The following TNN variants were observed in gnomAD, a reference collection of about 807,000 sequenced individuals.
The protein encoded by TNN is tenascin N, also known as tenascin-N.
Under a neutral mutation model 134.4 loss-of-function variants are expected in TNN, and 122 were observed. The ratio of observed to expected loss-of-function variants is 0.91; its 90% CI spans 0.78 to 1.06. TNN has a LOEUF of 1.06. TNN is among the 50% of genes least tolerant of loss of function. TNN has a pLI of 0.00. For missense variants in TNN, 1,739 were observed against 1,699.4 expected, an observed-to-expected ratio of 1.02 and a Z score of -0.41; for synonymous variants, 710 against 670.3, an observed-to-expected ratio of 1.06 and a Z score of -0.91.
At chr1:175,087,270 A>G (rs1405475297) in intron 6 of TNN, among the ~76,000 whole-genome samples, 1 of 152,246 alleles carries the variant, frequency 6.6e-6, no homozygotes, top group Non-Finnish European at 1.5e-5. Context: ...AAGTGGGCTG[A>G]AGAGGAAATA....
chr1:175,135,813 G>T, intron 15 of TNN, 32 bp from the exon 16 acceptor site: 1 of 1,551,974 alleles, frequency 6.4e-7, no homozygotes, highest in South Asian at 1.1e-5. Flanking sequence ...CTGTTTGGAG[G>T]GTCAGAGTGA....
intron 15 of TNN, 138 bp from the exon 16 acceptor site, chr1:175,135,707 A>C (rs2101850337): frequency 9.0e-6 from 6 of 664,686 alleles, no homozygotes; most frequent in Non-Finnish European, 1.6e-5. Context: ...ACTGACATAT[A>C]AATAAAAAGC....
intron 9 of TNN, among the ~76,000 whole-genome samples, chr1:175,108,626 C>T (rs1008308422): frequency 5.3e-5 from 8 of 152,244 alleles, no homozygotes; most frequent in Non-Finnish European, 8.8e-5. Flanking sequence ...TAAGGCTCAG[C>T]GAGAAATCGA....
At position 175,130,496 on chromosome 1, in the gene TNN, G is replaced by T. The variant is rs1386058588; in HGVS notation, c.3330+1750G>T. ...TTCATCAGCACCATTGTAAGGCTAA[G>T]CATTCTGTCCCTTCAGGCCTGCAGC... On this transcript the variant is annotated intron_variant, in intron 15 of 18. Transcript: ENST00000239462. Among the ~76,000 whole-genome samples the T allele has an allele frequency of 2.6e-5, 4 of 152,198 alleles. 1 individual carries two copies. The highest frequency in any genetic ancestry group is 9.7e-5 in the African/African-American group (4 of 41,450).
intron 11 of TNN, 147 bp downstream of exon 11, chr1:175,118,971 CA>C (rs1392953043): frequency 1.2e-5 from 14 of 1,177,374 alleles, no homozygotes; most frequent in Non-Finnish European, 1.6e-5. Flanking sequence ...CAAAACAAAA[CA>C]AAAACAAAAA....
At chr1:175,145,930 G>A (rs1470659986) in intron 18 of TNN, among the ~76,000 whole-genome samples, 1 of 152,056 alleles carries the variant, frequency 6.6e-6, no homozygotes, top group Non-Finnish European at 1.5e-5. Flanking sequence ...CCCATCCTAG[G>A]TTTCTAATTT....
At chr1:175,101,152 G>A (rs944686961) in intron 9 of TNN, among the ~76,000 whole-genome samples, 5 of 152,182 alleles carry the variant, frequency 3.3e-5, no homozygotes, top group Non-Finnish European at 5.9e-5. Context: ...GAGTGTTACA[G>A]CTCTTAAGGT....
In TNN at chr1:175,119,023, GAAC is replaced by G. The variant is rs769175207; in HGVS notation, c.2650+203_2650+205del. ...AAAAACTTTCATTCACCCAAAGAAA[GAAC>G]AACGTGTTATAGGAAAGGCGTCCCG... On this transcript the variant is annotated intron_variant, in intron 11 of 18. Transcript: ENST00000239462. 2.6e-5 allele frequency among the ~76,000 whole-genome samples: 4 copies of G among 152,200 alleles called. No homozygotes were observed. In the East Asian group the frequency reaches 7.7e-4, roughly 29 times the overall value.
At position 175,120,185 on chromosome 1, in the gene TNN, A is replaced by G. The variant is rs1385290910; in HGVS notation, c.2650+1361A>G. 2.0e-5 allele frequency among the ~76,000 whole-genome samples: 3 copies of G among 152,324 alleles called. No individual in the cohort carries two copies. The East Asian group carries it at 5.8e-4, about 29-fold the overall frequency. ...AGCTGACTTTTAATGAGCATCATCT[A>G]AGTGCCAGGCCTGGGGAACACAGTG... On this transcript the variant is annotated intron_variant, in intron 11 of 18. Transcript: ENST00000239462.
intron 1 of TNN, 33 bp downstream of exon 1, chr1:175,067,968 T>TGGAG (rs1280025721): frequency 2.2e-6 from 1 of 462,030 alleles, no homozygotes. Flanking sequence ...CTTTACTTAC[T>TGGAG]GGAGGGAGGG....
chr1:175,112,496 C>A (rs1024135302), intron 9 of TNN, among the ~76,000 whole-genome samples: 2 of 149,312 alleles, frequency 1.3e-5, no homozygotes, highest in African/African-American at 4.9e-5. Flanking sequence ...CTTTTTCCAT[C>A]CTTTCACTTT....
intron 9 of TNN, among the ~76,000 whole-genome samples, chr1:175,104,391 A>G (rs11582982): frequency 0.3 from 43,805 of 144,650 alleles, 10,324 homozygotes; most frequent in African/African-American, 0.39. Context: ...GGGAACCTTC[A>G]TCCTCTGGGG....
At chr1:175,125,625 CTTTCTCTCTTCT>C (rs1675489047) in intron 12 of TNN, among the ~76,000 whole-genome samples, 1 of 148,614 alleles carries the variant, frequency 6.7e-6, no homozygotes, top group African/African-American at 2.5e-5. Flanking sequence ...CTCTCTCTCC[CTTTCTCTCTTCT>C]TTTCTCTCTC....
At chr1:175,069,153 A>G (rs563968203) in intron 1 of TNN, among the ~76,000 whole-genome samples, 4 of 152,270 alleles carry the variant, frequency 2.6e-5, no homozygotes, top group Admixed American at 6.5e-5. Context: ...CAGGTTAGCC[A>G]CAGTGCCTAA....
intron 10 of TNN, 109 bp downstream of exon 10, chr1:175,117,314 A>T: frequency 6.4e-7 from 1 of 1,553,466 alleles, no homozygotes; most frequent in Non-Finnish European, 8.7e-7. Context: ...TTAATGGAAG[A>T]GTGGGATGGC....
At chr1:175,091,396 C>A (rs148975507) in intron 6 of TNN, among the ~76,000 whole-genome samples, 18 of 152,290 alleles carry the variant, frequency 1.2e-4, no homozygotes, top group African/African-American at 4.3e-4. Flanking sequence ...TTTTACCTTC[C>A]TACTCTTCAT....
intron 6 of TNN, 60 bp from the exon 7 acceptor site, chr1:175,093,930 T>C (rs1402691163): frequency 1.3e-6 from 2 of 1,539,408 alleles, no homozygotes; most frequent in Non-Finnish European, 8.8e-7. Context: ...TTTAACAATC[T>C]ATGATCTTGA....
In TNN at chr1:175,145,552, C is replaced by CAAAAAAAAAAA. The variant is rs3028580; in HGVS notation, c.3759+1015_3759+1025dup. Among the ~76,000 whole-genome samples the CAAAAAAAAAAA allele has an allele frequency of 6.1e-3, 177 of 28,896 alleles. 38 individuals carry two copies. Among genetic ancestry groups the CAAAAAAAAAAA allele is most frequent in the African/African-American group, 9.8e-3 (67 of 6,868 alleles). 19.0% of individuals were successfully genotyped at this position (28,896 alleles called of 152,430 possible). On this transcript the variant is annotated intron_variant, in intron 18 of 18. Transcript: ENST00000239462. ...TGGGTGGCAGAGCAAGACCCTGTCTCAAAAAAAAAAAAAAAAAAAAAAAGC... is the reference window on the plus strand; with the variant it reads ...TGGGTGGCAGAGCAAGACCCTGTCTCAAAAAAAAAAAAAAAAAAAAAAAAAAAAAAAAAAGC...
intron 15 of TNN, among the ~76,000 whole-genome samples, chr1:175,131,197 G>T (rs934992627): frequency 1.3e-5 from 2 of 152,204 alleles, no homozygotes; most frequent in African/African-American, 4.8e-5. Flanking sequence ...GTGCCCTGAG[G>T]TAAACTCTGC....
Sources: gnomAD v4.1 joint callset for allele counts (sites outside exome capture counted in the v4.1 genomes callset) on GRCh38, gnomAD v4.1.1 for gene constraint, MANE v1.5 for transcripts, NCBI Gene and HGNC (gene_info 2026-07-23, HGNC 2026-07-21) for gene names.